GCSAML: variants seen among roughly 807,000 people sequenced by gnomAD.
GCSAML encodes the protein germinal center associated signaling and motility like, also known as germinal center-associated signaling and motility-like protein.
Under a neutral mutation model 13.0 loss-of-function variants are expected in GCSAML, and 9 were observed. The ratio of observed to expected loss-of-function variants is 0.69; its 90% CI spans 0.42 to 1.21. The LOEUF is 1.21. GCSAML is among the 50% of genes most tolerant of loss of function. The pLI is 0.00. For missense variants in GCSAML, 143 were observed against 153.4 expected (o/e 0.93, Z 0.36); for synonymous variants, 37 against 52.9 (o/e 0.70, Z 1.31).
intron 1 of GCSAML, among the ~76,000 whole-genome samples, chr1:247,512,172 T>C (rs188306275): frequency 1.3e-5 from 2 of 152,226 alleles, no homozygotes; most frequent in Admixed American, 1.3e-4. Flanking sequence ...TCTTTTTACG[T>C]AGTCCCATAT....
At chr1:247,556,355 A>C in intron 1 of GCSAML, 52 bp from the exon 2 acceptor site, 1 of 1,320,802 alleles carries the variant, frequency 7.6e-7, no homozygotes, top group Non-Finnish European at 1.1e-6. Context: ...GAAGGTGAAA[A>C]AATGTGGAGG....
At chr1:247,509,368 CTT>C (rs1453201752) in intron 1 of GCSAML, among the ~76,000 whole-genome samples, 1 of 152,142 alleles carries the variant, frequency 6.6e-6, no homozygotes, top group African/African-American at 2.4e-5. Flanking sequence ...TATCCTGAGA[CTT>C]TGCTAAGTTG....
intron 2 of GCSAML, chr1:247,529,055 C>T (rs1666799488): frequency 6.6e-6 from 1 of 152,160 alleles, no homozygotes; most frequent in Non-Finnish European, 1.5e-5. Flanking sequence ...TATGACATTT[C>T]TCTCACCAAG....
At chr1:247,517,314 G>GAGTAACT (rs1457855631) in intron 1 of GCSAML, among the ~76,000 whole-genome samples, 1 of 152,188 alleles carries the variant, frequency 6.6e-6, no homozygotes, top group Non-Finnish European at 1.5e-5. Context: ...ATTACTAGGT[G>GAGTAACT]TCTTGTCTCT....
At chr1:247,510,963 T>C (rs1666016383) in intron 1 of GCSAML, among the ~76,000 whole-genome samples, 1 of 152,194 alleles carries the variant, frequency 6.6e-6, no homozygotes, top group Non-Finnish European at 1.5e-5. Flanking sequence ...CTGAGAAAAA[T>C]GTATATTCTG....
upstream of GCSAML, among the ~76,000 whole-genome samples, chr1:247,545,670 A>G (rs1667543833): frequency 6.6e-6 from 1 of 152,156 alleles, no homozygotes. Flanking sequence ...GGCCATTTGT[A>G]TGTCTTCTTT....
Position 247,519,937 on chromosome 1 carries a change from T to C in GCSAML, c.-262-7003T>C, listed in dbSNP as rs140690501. Among the ~76,000 whole-genome samples, 238 of 152,354 alleles carry C rather than the reference T, an allele frequency of 1.6e-3. 3 individuals are homozygous for C. The highest frequency in any genetic ancestry group is 5.0e-3 in the African/African-American group (207 of 41,578). On this transcript the variant is annotated intron_variant, in intron 1 of 5. Coordinates refer to the GCSAML transcript ENST00000366489. Reference sequence around the variant, plus strand: ...TGCCAGGATAAATGATGATGATATGTTGACAGTGATTATGTTAATCATGCT... The same window carrying C: ...TGCCAGGATAAATGATGATGATATGCTGACAGTGATTATGTTAATCATGCT...
chr1:247,510,170 C>T (rs1665980726), intron 1 of GCSAML, among the ~76,000 whole-genome samples: 1 of 152,160 alleles, frequency 6.6e-6, no homozygotes, highest in Non-Finnish European at 1.5e-5. Context: ...ATTACTGCCT[C>T]AATTTGAGAA....
At chr1:247,517,840 A>T (rs1341362422) in intron 1 of GCSAML, among the ~76,000 whole-genome samples, 7 of 152,156 alleles carry the variant, frequency 4.6e-5, no homozygotes, top group African/African-American at 1.7e-4. Flanking sequence ...AACCTCTCTA[A>T]ATAGGCAAAT....
chr1:247,556,558 A>C (rs1168018357), intron 2 of GCSAML, 92 bp downstream of exon 2: 2 of 865,684 alleles, frequency 2.3e-6, no homozygotes, highest in Admixed American at 2.3e-5. Flanking sequence ...ACTAGAACTA[A>C]CACCCCTTAG....
chr1:247,561,838 A>C (rs1394651342), intron 2 of GCSAML, among the ~76,000 whole-genome samples: 2 of 152,108 alleles, frequency 1.3e-5, no homozygotes, highest in African/African-American at 4.8e-5. Context: ...GCAGACGAGA[A>C]ACAAGCTATG....
intron 2 of GCSAML, chr1:247,531,842 G>C (rs1195741075): frequency 1.2e-6 from 2 of 1,614,032 alleles, no homozygotes; most frequent in Non-Finnish European, 1.7e-6. Flanking sequence ...AACACGGCCC[G>C]GGCAATGTGG....
At chr1:247,559,047 A>G (rs115623866) in intron 2 of GCSAML, among the ~76,000 whole-genome samples, 2,301 of 152,262 alleles carry the variant, frequency 0.015, 63 homozygotes, top group African/African-American at 0.053. Flanking sequence ...AAATACTACA[A>G]TTTTAGCTTG....
intron 2 of GCSAML, chr1:247,531,552 A>C: frequency 6.2e-7 from 1 of 1,612,968 alleles, no homozygotes; most frequent in Middle Eastern, 1.7e-4. Context: ...GGAGTCTCTA[A>C]ATTTGCGCCA....
At chr1:247,535,441 C>G (rs1402701912) in intron 2 of GCSAML, among the ~76,000 whole-genome samples, 1 of 152,194 alleles carries the variant, frequency 6.6e-6, no homozygotes, top group Non-Finnish European at 1.5e-5. Context: ...ACAACTGAGT[C>G]ATGACAGTCA....
chr1:247,562,172 A>T (rs1310386220), intron 2 of GCSAML, among the ~76,000 whole-genome samples: 3 of 152,160 alleles, frequency 2.0e-5, no homozygotes, highest in Admixed American at 2.0e-4. Flanking sequence ...GGAATGAAAG[A>T]TTCTTTGATT....
chr1:247,530,589 C>A (rs947065411), intron 2 of GCSAML: 2 of 150,932 alleles, frequency 1.3e-5, no homozygotes. Context: ...CATTTTACTA[C>A]CTCTAATTTT....
At chr1:247,573,990 T>G (rs1340622387) in intron 4 of GCSAML, among the ~76,000 whole-genome samples, 153 bp from the exon 5 acceptor site, 1 of 152,144 alleles carries the variant, frequency 6.6e-6, no homozygotes, top group Non-Finnish European at 1.5e-5. Context: ...GCTCTCTGCT[T>G]GTCTATTATT....
chr1:247,556,266 C>G, intron 1 of GCSAML, 141 bp from the exon 2 acceptor site: 2 of 633,232 alleles, frequency 3.2e-6, no homozygotes, highest in Non-Finnish European at 5.6e-6. Flanking sequence ...TCTGTGACTG[C>G]TTATTGATTT....
Sources: allele counts gnomAD v4.1 joint callset (sites outside exome capture counted in the v4.1 genomes callset), GRCh38; gene constraint gnomAD v4.1.1; transcripts MANE v1.5; gene names NCBI Gene and HGNC (gene_info 2026-07-23, HGNC 2026-07-21).